Variants in GRM7 observed in about 807,000 individuals in gnomAD.
The protein encoded by GRM7 is glutamate metabotropic receptor 7.
In GRM7, 35 loss-of-function variants were observed where a neutral mutation model predicts 84.5. That is an observed-to-expected ratio of 0.41 (90% CI 0.32 to 0.55). The LOEUF (loss-of-function observed/expected upper bound fraction) is 0.55, where lower values mean the gene tolerates loss of function less well. GRM7 is among the 20% of genes least tolerant of loss of function. The pLI, the probability that GRM7 is intolerant of heterozygous loss-of-function variation, is 0.19. For synonymous variants in GRM7, 487 were observed against 455.1 expected (o/e 1.07, Z -0.89); for missense variants, 1,003 against 1,194.6 (o/e 0.84, Z 2.36).
At position 7,665,146 on chromosome 3, in the gene GRM7, C is replaced by T. The variant is rs191197004; in HGVS notation, c.2452-14903C>T. Reference sequence around the variant, plus strand: ...AATTGGACACAGTTTCAACTGCATACGGAGAATGTTTGCCCATGATTCTTT... The same window carrying T: ...AATTGGACACAGTTTCAACTGCATATGGAGAATGTTTGCCCATGATTCTTT... On this transcript the variant is annotated intron_variant, in intron 8 of 9. Transcript: ENST00000357716. 1.8e-3 allele frequency among the ~76,000 whole-genome samples: 263 copies of T among 149,582 alleles called. 2 individuals carry two copies. Among genetic ancestry groups the T allele is most frequent in the Non-Finnish European group, 3.1e-3 (208 of 67,758 alleles).
chr3:7,415,128 G>T lies in GRM7; in HGVS notation c.1139G>T (p.Gly380Val). The change falls in exon 5 of 10, where the codon GGG becomes GTG. Residue 380 changes from glycine to valine, a missense_variant. Physicochemically the swap from Gly to Val is moderately radical, Grantham distance 109 (BLOSUM62 -3). Around this residue, in one of 2 missense-constraint regions of GRM7, gnomAD observed 910 missense variants for 1,126.0 expected, o/e 0.81. Transcript: ENST00000357716. ...TTCAACTGCAAGTTGACGATTAGTG[G>T]GTCAAAAAAAGAAGACACAGATCGC... is the stretch of plus-strand genomic sequence containing the variant. ...ENFNCKLTIS[G>V]SKKEDTDRKC... 5 of 1,612,550 alleles carry T rather than the reference G, an allele frequency of 3.1e-6. No individual in the cohort carries two copies. The highest frequency in any genetic ancestry group is 4.2e-6 in the Non-Finnish European group (5 of 1,178,952).
intron 7 of GRM7, among the ~76,000 whole-genome samples, chr3:7,526,392 T>G (rs1238345921): frequency 6.6e-6 from 1 of 151,572 alleles, no homozygotes; most frequent in Non-Finnish European, 1.5e-5. Flanking sequence ...TAATGTTTTT[T>G]TCCTTGATTT....
At chr3:7,716,768 G>A (rs969202325) in intron 9 of GRM7, among the ~76,000 whole-genome samples, 3 of 152,202 alleles carry the variant, frequency 2.0e-5, no homozygotes, top group African/African-American at 7.2e-5. Context: ...ACAGTCAGTT[G>A]AAAAGTAAGC....
intron 4 of GRM7, among the ~76,000 whole-genome samples, chr3:7,378,028 G>A (rs746347983): frequency 6.6e-6 from 1 of 152,046 alleles, no homozygotes; most frequent in Non-Finnish European, 1.5e-5. Flanking sequence ...AAGTCTCCCT[G>A]ACCCCATCCC....
intron 1 of GRM7, among the ~76,000 whole-genome samples, chr3:7,053,176 C>T (rs1295359397): frequency 6.7e-6 from 1 of 150,332 alleles, no homozygotes; most frequent in Non-Finnish European, 1.5e-5. Context: ...TCTTTTCATG[C>T]ACTTATTTAC....
At chr3:6,911,625 C>T (rs536457418) in intron 1 of GRM7, among the ~76,000 whole-genome samples, 1 of 152,170 alleles carries the variant, frequency 6.6e-6, no homozygotes, top group East Asian at 1.9e-4. Flanking sequence ...GGAAAGTAAC[C>T]AAATAACCCA....
intron 1 of GRM7, among the ~76,000 whole-genome samples, chr3:7,048,364 C>T (rs894920015): frequency 5.9e-5 from 9 of 151,558 alleles, no homozygotes; most frequent in African/African-American, 2.2e-4. Context: ...TGTACACAAA[C>T]AATACTTTGT....
chr3:7,062,129 A>G (rs1559413815), intron 1 of GRM7, among the ~76,000 whole-genome samples: 2 of 151,748 alleles, frequency 1.3e-5, no homozygotes, highest in African/African-American at 4.8e-5. Flanking sequence ...AATTTCAAGA[A>G]AAGAAAAATA....
rs1694831818 is a variant in GRM7 at position 6,863,374 on chromosome 3, G to C, written c.519+1467G>C. 6.6e-6 allele frequency among the ~76,000 whole-genome samples: 1 copy of C among 152,144 alleles called. No individual in the cohort carries two copies. The highest frequency in any genetic ancestry group is 1.5e-5 in the Non-Finnish European group (1 of 68,036). On this transcript the variant is annotated intron_variant, in intron 1 of 9. Coordinates refer to ENST00000357716, the MANE Select transcript of GRM7 (RefSeq NM_000844.4). The surrounding 1 kb of genome is among the most constrained non-coding windows in gnomAD (Gnocchi z 4.8). Reference sequence around the variant, plus strand: ...CCTCTCAAGTGCTTTCCCAAAAGGTGTTGGGCTTCAGAAGGGGACTCTGTG... The same window carrying C: ...CCTCTCAAGTGCTTTCCCAAAAGGTCTTGGGCTTCAGAAGGGGACTCTGTG...
intron 5 of GRM7, among the ~76,000 whole-genome samples, chr3:7,447,665 A>C (rs1697575154): frequency 6.6e-6 from 1 of 151,942 alleles, no homozygotes; most frequent in South Asian, 2.1e-4. Flanking sequence ...GGGATTTTTG[A>C]CACAATTGAC....
chr3:7,453,170 A>T (rs1697850324), intron 6 of GRM7, among the ~76,000 whole-genome samples: 1 of 152,004 alleles, frequency 6.6e-6, no homozygotes, highest in African/African-American at 2.4e-5. Context: ...CTCTGCTCTC[A>T]TACCACAACA....
At position 7,037,708 on chromosome 3, in the gene GRM7, A is replaced by G. The variant is rs377701131; in HGVS notation, c.520-108744A>G. 1.2e-4 allele frequency among the ~76,000 whole-genome samples: 19 copies of G among 152,350 alleles called. No homozygotes were observed. The Middle Eastern group carries it at 0.017, about 136-fold the overall frequency. ...TAGTGTGCTGAATGCCTGTAGGAAC[A>G]AGGAAAATATATTTGGTACAAATAT... On this transcript the variant is annotated intron_variant, in intron 1 of 9. Coordinates refer to ENST00000357716, the MANE Select transcript of GRM7 (RefSeq NM_000844.4).
intron 1 of GRM7, among the ~76,000 whole-genome samples, chr3:7,145,402 A>G (rs1308630185): frequency 6.6e-6 from 1 of 152,178 alleles, no homozygotes; most frequent in African/African-American, 2.4e-5. Flanking sequence ...GGTAACTAGC[A>G]TAGGAGTTCT....
At chr3:7,161,977 C>A (rs1257750965) in intron 2 of GRM7, among the ~76,000 whole-genome samples, 2 of 152,114 alleles carry the variant, frequency 1.3e-5, no homozygotes, top group African/African-American at 4.8e-5. Context: ...CAACGTAATG[C>A]CAATAGAGCT....
At chr3:7,312,872 G>C (rs1472810578) in intron 4 of GRM7, among the ~76,000 whole-genome samples, 1 of 151,826 alleles carries the variant, frequency 6.6e-6, no homozygotes, top group Non-Finnish European at 1.5e-5. Flanking sequence ...AGCCAAACCA[G>C]GGTATGCAGT....
intron 1 of GRM7, among the ~76,000 whole-genome samples, chr3:6,979,578 A>T (rs1694120310): frequency 6.6e-6 from 1 of 152,182 alleles, no homozygotes; most frequent in Admixed American, 6.5e-5. Flanking sequence ...TTAATTTAAA[A>T]TTGCCCATGG....
intron 1 of GRM7, among the ~76,000 whole-genome samples, chr3:7,058,776 T>A (rs557385149): frequency 6.6e-6 from 1 of 151,878 alleles, no homozygotes. Context: ...TGGTTTCCAT[T>A]CCCTGGAATG....
chr3:7,545,118 TGCTTAGTCTTATTCCTGCTACAGA>T (rs1340291564), intron 7 of GRM7, among the ~76,000 whole-genome samples: 1 of 152,244 alleles, frequency 6.6e-6, no homozygotes, highest in Non-Finnish European at 1.5e-5. Flanking sequence ...GTAAAAAAAT[TGCTTAGTCTTATTCCTGCTACAGA>T]GCAAGTAGAA....
In GRM7 at chr3:7,659,662, G is replaced by GTAAACAGATT. The variant is rs1559470467; in HGVS notation, c.2452-20386_2452-20377dup. 2.6e-5 allele frequency among the ~76,000 whole-genome samples: 4 copies of GTAAACAGATT among 152,330 alleles called. No individual in the cohort carries two copies. The South Asian group carries it at 8.3e-4, about 32-fold the overall frequency. Reference sequence around the variant, plus strand: ...TTTGTTTAATGTTGATTGAAGGCCTGTAAACAGATTGGTTCATAGCTTATA... The same window carrying GTAAACAGATT: ...TTTGTTTAATGTTGATTGAAGGCCTGTAAACAGATTTAAACAGATTGGTTCATAGCTTATA... On this transcript the variant is annotated intron_variant, in intron 8 of 9. Transcript: ENST00000357716.
Sources: gnomAD v4.1 joint callset for allele counts (sites outside exome capture counted in the v4.1 genomes callset) on GRCh38, gnomAD v4.1.1 for gene constraint, gnomAD v4.1.1 regional missense constraint, Gnocchi (gnomAD v3.1) non-coding constraint, MANE v1.5 for transcripts, NCBI Gene and HGNC (gene_info 2026-07-23, HGNC 2026-07-21) for gene names.